Variants in PCED1B observed in about 807,000 individuals in gnomAD.
PCED1B encodes the protein PC-esterase domain-containing protein 1B.
For synonymous variants in PCED1B, 251 were observed against 246.1 expected (o/e 1.02, Z -0.19); for missense variants, 573 against 573.9 (o/e 1.00, Z 0.02).
intron 2 of PCED1B, among the ~76,000 whole-genome samples, chr12:47,174,183 T>C (rs937079949): frequency 5.3e-5 from 8 of 151,054 alleles, no homozygotes; most frequent in African/African-American, 1.9e-4. Context: ...CGGAGGAGGG[T>C]GGATCACTTG....
At chr12:47,202,709 A>G (rs1281891065) in intron 2 of PCED1B, among the ~76,000 whole-genome samples, 1 of 151,662 alleles carries the variant, frequency 6.6e-6, no homozygotes, top group African/African-American at 2.4e-5. Context: ...AAAAATCAGG[A>G]TACAGCTCAT....
chr12:47,235,862 A>T lies in PCED1B; in HGVS notation c.799A>T (p.Lys267Ter), dbSNP rs1351336534. 6.3e-7 allele frequency: 1 copy of T among 1,579,322 alleles called. No individual in the cohort carries two copies. The highest frequency in any genetic ancestry group is 2.3e-5 in the East Asian group (1 of 42,720). ...CCGCCACCCCGTGGGCGAGTGGATC[A>T]AGAAGAAAAAACCTGGCCCGAGAGT... The part of the protein sequence containing the change: ...PHRHPVGEWI[K>*]KKKPGPRVEG... The change falls in exon 4 of 4, where the codon AAG becomes TAG. Residue 267 changes from lysine (K) to a stop codon, truncating the protein, a stop_gained. Transcript: ENST00000546455. LOFTEE classifies it low-confidence loss of function (END_TRUNC).
At chr12:47,084,263 T>C (rs975732581) in intron 1 of PCED1B, among the ~76,000 whole-genome samples, 1 of 152,196 alleles carries the variant, frequency 6.6e-6, no homozygotes, top group African/African-American at 2.4e-5. Context: ...GAATTGCTCA[T>C]GGAATTCATT....
At chr12:47,226,367 G>A (rs897925056) in intron 3 of PCED1B, among the ~76,000 whole-genome samples, 1 of 152,124 alleles carries the variant, frequency 6.6e-6, no homozygotes, top group Non-Finnish European at 1.5e-5. Context: ...CCTCTTGAGA[G>A]AAGAGATTGC....
At chr12:47,150,664 G>T (rs1363821958) in intron 2 of PCED1B, among the ~76,000 whole-genome samples, 1 of 152,046 alleles carries the variant, frequency 6.6e-6, no homozygotes, top group Non-Finnish European at 1.5e-5. Flanking sequence ...TGATACATGG[G>T]GGAGAGCATT....
At chr12:47,192,075 A>G (rs1942458417) in intron 2 of PCED1B, among the ~76,000 whole-genome samples, 1 of 151,876 alleles carries the variant, frequency 6.6e-6, no homozygotes, top group African/African-American at 2.4e-5. Flanking sequence ...ATCACTGTAG[A>G]ATATCTATAC....
intron 2 of PCED1B, among the ~76,000 whole-genome samples, chr12:47,131,053 T>C (rs1396739524): frequency 6.6e-6 from 1 of 152,218 alleles, no homozygotes; most frequent in Admixed American, 6.5e-5. Flanking sequence ...AAACAGTTTT[T>C]AAAAACTGAA....
In PCED1B at chr12:47,236,300, G is replaced by A. The variant is rs763311567; in HGVS notation, c.1237G>A (p.Gly413Arg). 1.2e-6 allele frequency: 2 copies of A among 1,613,962 alleles called. No homozygotes were observed. Among genetic ancestry groups the A allele is most frequent in the South Asian group, 1.1e-5 (1 of 91,064 alleles). Residue 413 changes from glycine (G) to arginine (R), a missense_variant, in exon 4 of 4, where the codon GGA becomes AGA. Physicochemically the swap from Gly to Arg is moderately radical, Grantham distance 125 (BLOSUM62 -2). Coordinates refer to ENST00000546455, the MANE Select transcript of PCED1B (RefSeq NM_138371.3). ...YRPRGPYTPWGQRPRPSKRRA... is the reference protein window; with the variant it reads ...YRPRGPYTPWRQRPRPSKRRA... ...TCCCCGTGGCCCCTATACGCCCTGG[G>A]GACAGCGGCCTCGACCTTCAAAGAG...
intron 2 of PCED1B, among the ~76,000 whole-genome samples, chr12:47,212,587 A>G (rs536318357): frequency 6.6e-5 from 10 of 152,176 alleles, no homozygotes; most frequent in Non-Finnish European, 1.5e-4. Context: ...TCTCCCCTCC[A>G]CTTGCGCAGT....
At chr12:47,186,477 G>A (rs1375995875) in intron 2 of PCED1B, among the ~76,000 whole-genome samples, 1 of 152,012 alleles carries the variant, frequency 6.6e-6, no homozygotes, top group Non-Finnish European at 1.5e-5. Flanking sequence ...TGGTAGGGGG[G>A]TAGAGGGGGG....
chr12:47,102,950 A>G (rs1482098117), intron 1 of PCED1B, among the ~76,000 whole-genome samples: 2 of 152,202 alleles, frequency 1.3e-5, no homozygotes, highest in Non-Finnish European at 2.9e-5. Context: ...TTGTGAAGCA[A>G]GCACAATTTT....
chr12:47,159,332 C>T (rs529823944), intron 2 of PCED1B, among the ~76,000 whole-genome samples: 118 of 152,202 alleles, frequency 7.8e-4, no homozygotes, highest in African/African-American at 2.5e-3. Context: ...TACTGTTTTC[C>T]GTAATGGCTG....
chr12:47,147,931 C>T (rs1159538287), intron 2 of PCED1B, among the ~76,000 whole-genome samples: 1 of 152,200 alleles, frequency 6.6e-6, no homozygotes, highest in Non-Finnish European at 1.5e-5. Flanking sequence ...AGCCCCACTT[C>T]TGGATACCAA....
At chr12:47,185,065 T>A (rs994408358) in intron 2 of PCED1B, among the ~76,000 whole-genome samples, 2 of 152,204 alleles carry the variant, frequency 1.3e-5, no homozygotes, top group African/African-American at 4.8e-5. Context: ...TCCTCATGTT[T>A]GTAGCCTCAT....
chr12:47,144,348 A>G (rs1404820), intron 2 of PCED1B, among the ~76,000 whole-genome samples: 86,254 of 151,982 alleles, frequency 0.57, 25,281 homozygotes, highest in Admixed American at 0.64. Context: ...CAGGAGGGAC[A>G]GCCTCAAGGA....
intron 2 of PCED1B, among the ~76,000 whole-genome samples, chr12:47,212,219 C>T (rs1943114500): frequency 6.6e-6 from 1 of 151,956 alleles, no homozygotes. Context: ...GTGGAGGTTT[C>T]AGTGAGCTGA....
intron 2 of PCED1B, among the ~76,000 whole-genome samples, chr12:47,132,394 T>C (rs1940169419): frequency 6.6e-6 from 1 of 152,130 alleles, no homozygotes; most frequent in African/African-American, 2.4e-5. Context: ...AAGGTTCTAA[T>C]AAAATTTTTT....
intron 3 of PCED1B, 111 bp downstream of exon 3, chr12:47,216,800 AC>A (rs1425451679): frequency 6.6e-6 from 1 of 152,224 alleles, no homozygotes; most frequent in Non-Finnish European, 1.5e-5. Context: ...AGGAATCAGC[AC>A]CCTAGCCTCC....
intron 3 of PCED1B, 36 bp from the exon 4 acceptor site, chr12:47,234,971 T>A (rs1445114151): frequency 8.1e-7 from 1 of 1,233,846 alleles, no homozygotes; most frequent in African/African-American, 1.5e-5. Context: ...CGCCCAGAGG[T>A]GAGTCCCTCC....
Sources: allele counts gnomAD v4.1 joint callset (sites outside exome capture counted in the v4.1 genomes callset), GRCh38; gene constraint gnomAD v4.1.1; transcripts MANE v1.5; gene names NCBI Gene and HGNC (gene_info 2026-07-23, HGNC 2026-07-21).